Variants in RNF150 observed in about 807,000 individuals in gnomAD.
RNF150 encodes ring finger protein 150.
Under a neutral mutation model 39.3 loss-of-function variants are expected in RNF150, and 24 were observed. That is an observed-to-expected ratio of 0.61 (90% CI 0.44 to 0.86). RNF150 has a LOEUF of 0.86. RNF150 is among the 40% of genes least tolerant of loss of function. RNF150 has a pLI of 0.00. For synonymous variants in RNF150, 255 were observed against 227.3 expected (o/e 1.12, Z -1.10); for missense variants, 502 against 587.8 (o/e 0.85, Z 1.51).
chr4:140,935,501 A>C (rs1731829409), intron 4 of RNF150, among the ~76,000 whole-genome samples: 1 of 152,190 alleles, frequency 6.6e-6, no homozygotes, highest in African/African-American at 2.4e-5. Context: ...AGGTTATTAC[A>C]GTGCAAGACT....
chr4:140,997,639 C>T (rs113176061), intron 1 of RNF150, among the ~76,000 whole-genome samples: 11,496 of 131,808 alleles, frequency 0.087, 494 homozygotes, highest in Middle Eastern at 0.19. Flanking sequence ...CGCTTGAACT[C>T]GGAAGGTGGA....
intron 1 of RNF150, among the ~76,000 whole-genome samples, chr4:141,175,899 T>G (rs1727801358): frequency 6.6e-6 from 1 of 152,094 alleles, no homozygotes; most frequent in Non-Finnish European, 1.5e-5. Context: ...TCTTTATTTT[T>G]TTTGAGACAG....
intron 5 of RNF150, among the ~76,000 whole-genome samples, chr4:140,916,135 C>G (rs978091097): frequency 6.6e-6 from 1 of 151,366 alleles, no homozygotes; most frequent in African/African-American, 2.4e-5. Flanking sequence ...AAAATCAGAG[C>G]ACCTCTCCTC....
At chr4:141,078,811 AT>A (rs1323456254) in intron 1 of RNF150, among the ~76,000 whole-genome samples, 5,200 of 67,710 alleles carry the variant, frequency 0.077, 394 homozygotes, top group African/African-American at 0.17. Context: ...AAAAAAAAAT[AT>A]ATATATATAT....
intron 1 of RNF150, among the ~76,000 whole-genome samples, chr4:141,162,258 G>C (rs1267114389): frequency 6.6e-6 from 1 of 152,196 alleles, no homozygotes; most frequent in Non-Finnish European, 1.5e-5. Context: ...GATTATTTTG[G>C]ATCTTTAAGA....
At chr4:140,932,097 T>C (rs575743824) in intron 4 of RNF150, among the ~76,000 whole-genome samples, 2 of 152,308 alleles carry the variant, frequency 1.3e-5, no homozygotes, top group East Asian at 3.9e-4. Context: ...AGCTGTCTCA[T>C]TCTCCTTAGT....
At chr4:141,154,384 C>T (rs354934) in intron 1 of RNF150, among the ~76,000 whole-genome samples, 55,011 of 152,176 alleles carry the variant, frequency 0.36, 11,840 homozygotes, top group Non-Finnish European at 0.47. Context: ...TCTGTCCTTC[C>T]TTAGCGTGCC....
intron 1 of RNF150, among the ~76,000 whole-genome samples, chr4:140,994,633 T>C (rs1286733949): frequency 6.6e-6 from 1 of 152,254 alleles, no homozygotes; most frequent in East Asian, 1.9e-4. Context: ...ATCTGAAGAA[T>C]GAGGAAACCT....
chr4:140,917,340 G>A (rs566190125), intron 5 of RNF150, among the ~76,000 whole-genome samples: 14 of 152,214 alleles, frequency 9.2e-5, no homozygotes, highest in Admixed American at 9.2e-4. Context: ...AAGGGATGGA[G>A]GAAGATCTAC....
At chr4:141,043,409 T>C (rs1056218893) in intron 1 of RNF150, among the ~76,000 whole-genome samples, 3 of 152,148 alleles carry the variant, frequency 2.0e-5, no homozygotes, top group Admixed American at 1.3e-4. Flanking sequence ...TGTTTCTTTA[T>C]GTAAAAATTC....
chr4:140,974,852 C>T (rs1490121159), intron 1 of RNF150, among the ~76,000 whole-genome samples: 6 of 151,836 alleles, frequency 4.0e-5, no homozygotes, highest in African/African-American at 1.2e-4. Context: ...GTTTAAACTA[C>T]AGGCGACCCT....
At chr4:141,048,080 TATCGGGTCCTCAAAG>T (rs1368490067) in intron 1 of RNF150, among the ~76,000 whole-genome samples, 1 of 152,216 alleles carries the variant, frequency 6.6e-6, no homozygotes. Context: ...TCCCACTTCC[TATCGGGTCCTCAAAG>T]ATCCTGCCTA....
At chr4:141,038,123 A>G (rs1470699202) in intron 1 of RNF150, among the ~76,000 whole-genome samples, 1 of 152,150 alleles carries the variant, frequency 6.6e-6, no homozygotes, top group South Asian at 2.1e-4. Context: ...TCCTATGTAC[A>G]TGTGTACCCC....
At chr4:141,116,038 C>T (rs1035116419) in intron 1 of RNF150, among the ~76,000 whole-genome samples, 1 of 152,090 alleles carries the variant, frequency 6.6e-6, no homozygotes, top group Non-Finnish European at 1.5e-5. Flanking sequence ...CCATAAAAAC[C>T]CTAGAAGAAA....
chr4:140,941,967 AT>A (rs1340393443), intron 4 of RNF150, among the ~76,000 whole-genome samples: 4 of 152,032 alleles, frequency 2.6e-5, no homozygotes, highest in Admixed American at 2.6e-4. Context: ...CAAATTAAAA[AT>A]AAAACGCGCA....
At chr4:140,948,366 A>G (rs1411529482) in intron 3 of RNF150, among the ~76,000 whole-genome samples, 1 of 152,204 alleles carries the variant, frequency 6.6e-6, no homozygotes, top group Non-Finnish European at 1.5e-5. Flanking sequence ...TAGAGACAAT[A>G]CCTGCTTATA....
chr4:141,208,615 T>G (rs13112869), intron 1 of RNF150, among the ~76,000 whole-genome samples: 33,653 of 152,158 alleles, frequency 0.22, 3,955 homozygotes, highest in South Asian at 0.32. Context: ...ATGGAAAGTC[T>G]ATTGAGGTTA....
chr4:141,091,087 G>C (rs1018627779), intron 1 of RNF150, among the ~76,000 whole-genome samples: 3 of 152,154 alleles, frequency 2.0e-5, no homozygotes, highest in Non-Finnish European at 4.4e-5. Context: ...AATAGTAAAG[G>C]CGATTGAGGT....
At chr4:140,914,904 A>C (rs559487231) in intron 5 of RNF150, among the ~76,000 whole-genome samples, 14 of 152,354 alleles carry the variant, frequency 9.2e-5, no homozygotes, top group South Asian at 8.3e-4. Context: ...CTTTCGATGT[A>C]TTTGTCTTAT....
Sources: allele counts gnomAD v4.1 joint callset (sites outside exome capture counted in the v4.1 genomes callset), GRCh38; gene constraint gnomAD v4.1.1; transcripts MANE v1.5; gene names NCBI Gene and HGNC (gene_info 2026-07-23, HGNC 2026-07-21).